The following PDE4D variants were observed in gnomAD, a reference collection of about 807,000 sequenced individuals.
The protein encoded by PDE4D is 3',5'-cyclic-AMP phosphodiesterase 4D.
In PDE4D, 24 loss-of-function variants were observed where a neutral mutation model predicts 87.4. The ratio of observed to expected loss-of-function variants is 0.27; its 90% CI spans 0.20 to 0.39. PDE4D has a LOEUF of 0.39. PDE4D is among the 10% of genes least tolerant of loss of function. The pLI is 1.00. For missense variants in PDE4D, 714 were observed against 1,041.0 expected (o/e 0.69, Z 4.32); for synonymous variants, 384 against 383.2 (o/e 1.00, Z -0.02).
intron 1 of PDE4D, among the ~76,000 whole-genome samples, chr5:59,380,916 T>C (rs1012740507): frequency 2.0e-5 from 3 of 152,202 alleles, no homozygotes; most frequent in Non-Finnish European, 2.9e-5. Context: ...CATATTATGC[T>C]CATTCATTAC....
chr5:60,068,159 C>G (rs1047153889), intron 2 of PDE4D, among the ~76,000 whole-genome samples: 2 of 152,184 alleles, frequency 1.3e-5, no homozygotes, highest in Non-Finnish European at 2.9e-5. Context: ...CCCACAAAAG[C>G]TGCACCATAT....
intron 1 of PDE4D, among the ~76,000 whole-genome samples, chr5:59,326,481 G>A (rs201059964): frequency 6.6e-6 from 1 of 151,636 alleles, no homozygotes; most frequent in East Asian, 1.9e-4. Context: ...AATATGGCTA[G>A]TCCAAATTGA....
intron 1 of PDE4D, among the ~76,000 whole-genome samples, chr5:59,361,384 G>C (rs1003262597): frequency 6.6e-6 from 1 of 152,146 alleles, no homozygotes; most frequent in African/African-American, 2.4e-5. Context: ...TAACAAGTGT[G>C]TAAAAGTCTT....
intron 3 of PDE4D, among the ~76,000 whole-genome samples, chr5:59,929,256 A>G (rs1311677895): frequency 6.6e-6 from 1 of 152,186 alleles, no homozygotes; most frequent in Non-Finnish European, 1.5e-5. Context: ...AGACATTTAC[A>G]CAATTCACTT....
chr5:59,488,914 G>T (rs1319368338), intron 1 of PDE4D, among the ~76,000 whole-genome samples: 1 of 151,994 alleles, frequency 6.6e-6, no homozygotes, highest in Non-Finnish European at 1.5e-5. Context: ...GTCAAATAAG[G>T]AGAAAAATGA....
chr5:60,118,137 T>C (rs1221413679), intron 2 of PDE4D, among the ~76,000 whole-genome samples: 1 of 152,194 alleles, frequency 6.6e-6, no homozygotes, highest in Non-Finnish European at 1.5e-5. Flanking sequence ...CTGTCTTTTC[T>C]CTATTTTCTA....
At chr5:59,785,238 C>T (rs1221534684) in intron 1 of PDE4D, among the ~76,000 whole-genome samples, 1 of 152,126 alleles carries the variant, frequency 6.6e-6, no homozygotes, top group Non-Finnish European at 1.5e-5. Context: ...TACAAGCATA[C>T]CTGTGGTATG....
intron 1 of PDE4D, among the ~76,000 whole-genome samples, chr5:59,676,570 C>G (rs531953097): frequency 6.6e-6 from 1 of 152,070 alleles, no homozygotes; most frequent in Non-Finnish European, 1.5e-5. Flanking sequence ...CATAAAGAAC[C>G]ATTTTATTCA....
rs547854015 is a variant in PDE4D at position 59,875,417 on chromosome 5, C to T, written c.455+17751G>A. On this transcript the variant is annotated intron_variant, in intron 1 of 14. Transcript: ENST00000340635. ...CAGAGGTTGCAGTGAGCCGAGATTG[C>T]GCCACTGCACTCCAGCCTCGTGACC... Among the ~76,000 whole-genome samples the T allele has an allele frequency of 5.9e-5, 8 of 135,332 alleles. No individual in the cohort carries two copies. In the East Asian group the frequency reaches 8.7e-4, roughly 15 times the overall value. 88.8% of individuals were successfully genotyped at this position (135,332 alleles called of 152,430 possible). A position where few individuals can be genotyped will look rare whatever the true frequency, so the allele number is the denominator to read the frequency against.
chr5:59,193,585 C>A (rs1744792982), intron 2 of PDE4D, 49 bp from the exon 3 acceptor site: 3 of 1,603,562 alleles, frequency 1.9e-6, no homozygotes, highest in Admixed American at 1.7e-5. Context: ...TAACTCTGTG[C>A]TCAGTGTCGT....
At chr5:59,837,810 T>G (rs979830289) in intron 1 of PDE4D, among the ~76,000 whole-genome samples, 2 of 152,088 alleles carry the variant, frequency 1.3e-5, no homozygotes, top group Non-Finnish European at 2.9e-5. Flanking sequence ...CATTGCTCCT[T>G]AAAGATGAAA....
intron 1 of PDE4D, among the ~76,000 whole-genome samples, chr5:60,436,938 T>C (rs1398146360): frequency 6.6e-6 from 1 of 152,060 alleles, no homozygotes; most frequent in Non-Finnish European, 1.5e-5. Flanking sequence ...TTATGAACAT[T>C]GTACAGAGAA....
At chr5:59,883,197 C>A (rs1343000537) in intron 1 of PDE4D, among the ~76,000 whole-genome samples, 1 of 152,192 alleles carries the variant, frequency 6.6e-6, no homozygotes, top group Non-Finnish European at 1.5e-5. Context: ...GCTACAGTTA[C>A]AGGAACAGAG....
At chr5:59,910,115 T>C (rs1421431865) in intron 3 of PDE4D, among the ~76,000 whole-genome samples, 1 of 152,212 alleles carries the variant, frequency 6.6e-6, no homozygotes, top group Non-Finnish European at 1.5e-5. Flanking sequence ...ATCTACTTTA[T>C]TGTTGCTATT....
Position 58,975,738 on chromosome 5 carries a change from G to T in PDE4D, c.1932C>A (p.Arg644=). 1 of 1,613,246 alleles carries T rather than the reference G, an allele frequency of 6.2e-7. No homozygotes were observed. The highest frequency in any genetic ancestry group is 8.5e-7 in the Non-Finnish European group (1 of 1,179,476). Residue 644 remains arginine (R), a synonymous_variant, in exon 14 of 15, where the codon CGC becomes CGA. Transcript: ENST00000340635. The surrounding 1 kb of genome is among the most constrained non-coding windows in gnomAD (Gnocchi z 4.2). The part of the protein sequence containing the change: ...WTDRIMEEFF[R]QGDRERERGM... Reference sequence around the variant, plus strand: ...CACGTTCCCTCTCTCGGTCTCCTTGGCGGAAGAACTCCTCCATTATCCGGT... The same window carrying T: ...CACGTTCCCTCTCTCGGTCTCCTTGTCGGAAGAACTCCTCCATTATCCGGT...
intron 5 of PDE4D, among the ~76,000 whole-genome samples, chr5:59,150,693 G>C (rs991696413): frequency 5.3e-5 from 8 of 152,120 alleles, no homozygotes; most frequent in African/African-American, 1.9e-4. Context: ...GCAATTCATG[G>C]GTTTACCAGC....
At chr5:59,076,768 C>CT (rs1765742232) in intron 5 of PDE4D, among the ~76,000 whole-genome samples, 1 of 152,274 alleles carries the variant, frequency 6.6e-6, no homozygotes, top group African/African-American at 2.4e-5. Flanking sequence ...CTGCCTGTCT[C>CT]TACCTGATCA....
intron 1 of PDE4D, among the ~76,000 whole-genome samples, chr5:59,370,759 G>A (rs1258761808): frequency 6.6e-6 from 1 of 152,134 alleles, no homozygotes; most frequent in Non-Finnish European, 1.5e-5. Context: ...TAGTGGTAAT[G>A]GTTCAATATA....
chr5:59,352,262 T>C (rs932991862), intron 1 of PDE4D, among the ~76,000 whole-genome samples: 6 of 152,208 alleles, frequency 3.9e-5, no homozygotes, highest in African/African-American at 1.4e-4. Flanking sequence ...TCTTCTTCTC[T>C]TATTTGATAC....
Sources: allele counts gnomAD v4.1 joint callset (sites outside exome capture counted in the v4.1 genomes callset), GRCh38; gene constraint gnomAD v4.1.1; non-coding constraint Gnocchi (gnomAD v3.1); transcripts MANE v1.5; gene names NCBI Gene and HGNC (gene_info 2026-07-23, HGNC 2026-07-21).